The following MDM4 variants were observed in gnomAD, a reference collection of about 807,000 sequenced individuals.
MDM4 encodes MDM4 regulator of p53.
In MDM4, 2 loss-of-function variants were observed where a neutral mutation model predicts 60.2. That is an observed-to-expected ratio of 0.03 (90% CI 0.01 to 0.10). The LOEUF (loss-of-function observed/expected upper bound fraction) is 0.10. Among genes scored for constraint, MDM4 ranks in the 10% least tolerant of loss-of-function variants. The pLI, the probability that MDM4 is intolerant of heterozygous loss-of-function variation, is 1.00. For missense variants in MDM4, 447 were observed against 577.5 expected (o/e 0.77, Z 2.32); for synonymous variants, 202 against 198.1 (o/e 1.02, Z -0.17).
At position 204,557,955 on chromosome 1, in the gene MDM4, G is replaced by C. The variant is rs1191698512; in HGVS notation, c.*8273G>C. On this transcript the variant is annotated 3_prime_UTR_variant, in exon 11 of 11. Coordinates refer to ENST00000367182, the MANE Select transcript of MDM4 (RefSeq NM_002393.5). Reference sequence around the variant, plus strand: ...AACAACAACTTATTGAATGTGGCCAGCTCACTAGATGAGGAAAGAGGAAGG... The same window carrying C: ...AACAACAACTTATTGAATGTGGCCACCTCACTAGATGAGGAAAGAGGAAGG... 1.1e-5 allele frequency: 2 copies of C among 183,390 alleles called. No homozygotes were observed. The highest frequency in any genetic ancestry group is 1.8e-4 in the East Asian group (2 of 11,288). 11.4% of individuals were successfully genotyped at this position (183,390 alleles called of 1,614,324 possible).
At chr1:204,531,906 A>G (rs4252696) in intron 4 of MDM4, among the ~76,000 whole-genome samples, 9 of 152,176 alleles carry the variant, frequency 5.9e-5, no homozygotes, top group Non-Finnish European at 1.3e-4. Flanking sequence ...AGGAAGGAAT[A>G]GTTTCCAAAA....
chr1:204,538,003 C>T, intron 6 of MDM4: 2 of 759,906 alleles, frequency 2.6e-6, no homozygotes. Flanking sequence ...TTTTTTTTCC[C>T]CCCAGGTTTG....
At chr1:204,539,555 G>A (rs1461942718) in intron 7 of MDM4, among the ~76,000 whole-genome samples, 1 of 131,468 alleles carries the variant, frequency 7.6e-6, no homozygotes, top group Non-Finnish European at 1.6e-5. Flanking sequence ...TTTTTTTTGA[G>A]ACAGGGTCTT....
chr1:204,526,446 A>T lies in MDM4; in HGVS notation c.153+12A>T. 4 of 1,586,612 alleles carry T rather than the reference A, an allele frequency of 2.5e-6. No individual in the cohort carries two copies. The highest frequency in any genetic ancestry group is 3.4e-6 in the Non-Finnish European group (4 of 1,169,296). ...TCACTGTTAAAGAGGTAAGCCATCAAATAAAATTCTCATTTTTTTTGTTTT... is the reference window on the plus strand; with the variant it reads ...TCACTGTTAAAGAGGTAAGCCATCATATAAAATTCTCATTTTTTTTGTTTT... On this transcript the variant is annotated intron_variant, in intron 3 of 10. Transcript: ENST00000367182.
intron 3 of MDM4, chr1:204,529,292 TG>T: frequency 1.3e-6 from 1 of 751,046 alleles, no homozygotes; most frequent in Non-Finnish European, 2.4e-6. Flanking sequence ...ACCTCCTTCA[TG>T]GAGATAAAGC....
chr1:204,529,462 C>G lies in MDM4; in HGVS notation c.154-1222C>G. The G allele has an allele frequency of 5.9e-6, 9 of 1,528,334 alleles. 1 individual carries two copies. In the South Asian group the frequency reaches 1.0e-4, roughly 18 times the overall value. The allele number at this position is 1,528,334 out of a possible 1,614,324, so 94.7% of individuals were successfully genotyped here. ...GGAGCTGTACCATCATTTGGTCCTC[C>G]TGGAGTTCCAGAGGGGAACATCCCA... On this transcript the variant is annotated intron_variant, in intron 3 of 10. Coordinates refer to ENST00000367182, the MANE Select transcript of MDM4 (RefSeq NM_002393.5).
At chr1:204,548,821 C>T (rs965987442) in intron 10 of MDM4, among the ~76,000 whole-genome samples, 2 of 152,044 alleles carry the variant, frequency 1.3e-5, no homozygotes, top group South Asian at 2.1e-4. Flanking sequence ...CCATAAGGTA[C>T]AGCAAACAAT....
chr1:204,525,325 G>C, intron 1 of MDM4, 159 bp from the exon 2 acceptor site: 2 of 985,034 alleles, frequency 2.0e-6, no homozygotes, highest in Non-Finnish European at 2.4e-6. Context: ...GTAGTCAGAA[G>C]ATATGCAGAA....
In MDM4 at chr1:204,555,006, A is replaced by G; in HGVS notation, c.*5324A>G. The G allele has an allele frequency of 4.5e-6, 1 of 220,862 alleles. No individual in the cohort carries two copies. Among genetic ancestry groups the G allele is most frequent in the Non-Finnish European group, 9.1e-6 (1 of 110,264 alleles). 13.7% of individuals were successfully genotyped at this position (220,862 alleles called of 1,614,324 possible). ...TGAATGACTGAAAGTGTTAACAGAG[A>G]AAGAGGCATGTCTGCAGAAAGAGAT... On this transcript the variant is annotated 3_prime_UTR_variant, in exon 11 of 11. Coordinates refer to ENST00000367182, the MANE Select transcript of MDM4 (RefSeq NM_002393.5).
chr1:204,555,158 CTTT>C lies in MDM4; in HGVS notation c.*5489_*5491del, dbSNP rs1229133778. 3.0e-4 allele frequency: 51 copies of C among 168,038 alleles called. No homozygotes were observed. Among genetic ancestry groups the C allele is most frequent in the Middle Eastern group, 2.2e-3 (1 of 462 alleles). The allele number at this position is 168,038 out of a possible 1,614,324, so 10.4% of individuals were successfully genotyped here. A position where few individuals can be genotyped will look rare whatever the true frequency, so the allele number is the denominator to read the frequency against. On this transcript the variant is annotated 3_prime_UTR_variant, in exon 11 of 11. Coordinates refer to ENST00000367182, the MANE Select transcript of MDM4 (RefSeq NM_002393.5). ...GGACAGTTAGTAGAACTCTCCATTT[CTTT>C]TTTTTTTTTTTTAGACGGAGTCTCT...
In MDM4 at chr1:204,542,725, A is replaced by G. The variant is rs566654078; in HGVS notation, c.512-59A>G. On this transcript the variant is annotated intron_variant, in intron 7 of 10. Coordinates refer to ENST00000367182, the MANE Select transcript of MDM4 (RefSeq NM_002393.5). ...TAAAGAAGTTTTAAGTATTCTAAAG[A>G]TAGTCTTAGTTATTACGTATTGTGC... is the stretch of plus-strand genomic sequence containing the variant. The G allele has an allele frequency of 7.9e-6, 10 of 1,268,208 alleles. 1 individual carries two copies. The highest frequency in any genetic ancestry group is 7.6e-5 in the African/African-American group (5 of 65,776). 78.6% of individuals were successfully genotyped at this position (1,268,208 alleles called of 1,614,324 possible).
rs1215795332 is a variant in MDM4 at position 204,529,601 on chromosome 1, A to G, written c.154-1083A>G. The G allele has an allele frequency of 2.4e-5, 31 of 1,272,848 alleles. No homozygotes were observed. In the South Asian group the frequency reaches 3.3e-4, roughly 14 times the overall value. The allele number at this position is 1,272,848 out of a possible 1,614,324, so 78.8% of individuals were successfully genotyped here. A position where few individuals can be genotyped will look rare whatever the true frequency, so the allele number is the denominator to read the frequency against. On this transcript the variant is annotated intron_variant, in intron 3 of 10. Transcript: ENST00000367182. ...GCACGCTGCCATACTGCCCTCCACTACTGGGGGGGGTCCAAGGTAGTAGCT... is the reference window on the plus strand; with the variant it reads ...GCACGCTGCCATACTGCCCTCCACTGCTGGGGGGGGTCCAAGGTAGTAGCT...
Position 204,549,477 on chromosome 1 carries a change from A to G in MDM4, c.1268A>G (p.Asp423Gly), listed in dbSNP as rs1392816145. Residue 423 changes from aspartate to glycine, a missense_variant, in exon 11 of 11, where the codon GAT becomes GGT. Physicochemically the swap from Asp to Gly is moderately conservative, Grantham distance 94. Around this residue, in one of 8 missense-constraint regions of MDM4, gnomAD observed 117 missense variants for 114.5 expected, o/e 1.02. Transcript: ENST00000367182. Reference protein sequence around the residue: ...QLDNLSEQRTDTENMEDCQNL... With the variant: ...QLDNLSEQRTGTENMEDCQNL... ...GATAACCTTTCTGAACAGAGAACAG[A>G]TACAGAAAACATGGAGGATTGCCAG... The G allele has an allele frequency of 6.2e-7, 1 of 1,610,878 alleles. No homozygotes were observed. Among genetic ancestry groups the G allele is most frequent in the South Asian group, 1.1e-5 (1 of 90,378 alleles).
chr1:204,530,406 G>A (rs1660748720), intron 3 of MDM4, among the ~76,000 whole-genome samples: 1 of 152,136 alleles, frequency 6.6e-6, no homozygotes, highest in African/African-American at 2.4e-5. Flanking sequence ...AAATTTTTAA[G>A]AGGATACTAG....
intron 3 of MDM4, among the ~76,000 whole-genome samples, chr1:204,527,347 A>C (rs1264992437): frequency 6.6e-6 from 1 of 151,974 alleles, no homozygotes; most frequent in Non-Finnish European, 1.5e-5. Flanking sequence ...GCAGGAATTA[A>C]ATGCAGTAGT....
At chr1:204,542,165 G>A (rs866731425) in intron 7 of MDM4, among the ~76,000 whole-genome samples, 47 of 152,352 alleles carry the variant, frequency 3.1e-4, no homozygotes, top group African/African-American at 1.0e-3. Context: ...GAGGGCATAT[G>A]TATGTATTTG....
intron 3 of MDM4, among the ~76,000 whole-genome samples, chr1:204,526,906 A>G (rs1037559513): frequency 2.0e-5 from 3 of 152,220 alleles, no homozygotes; most frequent in Non-Finnish European, 4.4e-5. Flanking sequence ...GTTGAACATC[A>G]TATTTCCTTT....
chr1:204,536,894 C>T (rs1430802255), intron 5 of MDM4: 3 of 381,222 alleles, frequency 7.9e-6, no homozygotes, highest in South Asian at 4.2e-5. Flanking sequence ...GAATTTAAAC[C>T]ATAAAATTAT....
chr1:204,532,936 T>G (rs1391363183), intron 5 of MDM4: 1 of 1,129,436 alleles, frequency 8.9e-7, no homozygotes, highest in African/African-American at 1.5e-5. Context: ...TAGGTAATGC[T>G]TTGTACTTCT....
Sources: allele counts gnomAD v4.1 joint callset (sites outside exome capture counted in the v4.1 genomes callset), GRCh38; gene constraint gnomAD v4.1.1; regional missense constraint gnomAD v4.1.1; transcripts MANE v1.5; gene names NCBI Gene and HGNC (gene_info 2026-07-23, HGNC 2026-07-21).